The following RIOK2 variants were observed in gnomAD, a reference collection of about 807,000 sequenced individuals.
RIOK2 encodes the protein serine/threonine-protein kinase RIO2.
RIOK2 carries 46 observed loss-of-function variants against 62.4 expected under a neutral mutation model. That is an observed-to-expected ratio of 0.74 (90% CI 0.58 to 0.94). The LOEUF is 0.94. Among genes scored for constraint, RIOK2 ranks in the 40% least tolerant of loss-of-function variants. RIOK2 has a pLI of 0.00. For missense variants in RIOK2, 574 were observed against 658.0 expected (o/e 0.87, Z 1.40); for synonymous variants, 197 against 216.0 (o/e 0.91, Z 0.77).
chr5:97,180,068 A>G (rs1214209155), intron 1 of RIOK2, among the ~76,000 whole-genome samples: 2 of 15,378 alleles, frequency 1.3e-4, no homozygotes, highest in South Asian at 2.8e-3. Context: ...TATTCCTCAG[A>G]GGTAAAAAGC....
intron 5 of RIOK2, among the ~76,000 whole-genome samples, chr5:97,171,802 C>G (rs1314056349): frequency 6.6e-6 from 1 of 152,070 alleles, no homozygotes; most frequent in African/African-American, 2.4e-5. Context: ...CAAACACACC[C>G]ACATCCAGAA....
At chr5:97,170,377 A>C (rs1748968104) in intron 6 of RIOK2, among the ~76,000 whole-genome samples, 1 of 152,214 alleles carries the variant, frequency 6.6e-6, no homozygotes, top group South Asian at 2.1e-4. Context: ...TTTTTTTTCT[A>C]ATAAATAAAG....
At chr5:97,177,689 C>A in intron 3 of RIOK2, 43 bp downstream of exon 3, 1 of 1,217,818 alleles carries the variant, frequency 8.2e-7, no homozygotes, top group African/African-American at 1.5e-5. Context: ...AAAACATAAA[C>A]TAAAGCAAAG....
At chr5:97,169,405 A>C (rs78192218) in intron 6 of RIOK2, among the ~76,000 whole-genome samples, 1,716 of 152,358 alleles carry the variant, frequency 0.011, 11 homozygotes, top group Middle Eastern at 0.034. Flanking sequence ...CAGCCTATAA[A>C]AATAATCTGA....
intron 2 of RIOK2, 80 bp downstream of exon 2, chr5:97,178,975 T>C (rs940222862): frequency 1.3e-6 from 2 of 1,540,790 alleles, no homozygotes; most frequent in African/African-American, 2.7e-5. Context: ...TGGCAACTTC[T>C]ACTTCTTGAC....
At chr5:97,168,629 G>C (rs1748910447) in intron 7 of RIOK2, 131 bp downstream of exon 7, 1 of 512,142 alleles carries the variant, frequency 2.0e-6, no homozygotes, top group Non-Finnish European at 3.5e-6. Context: ...ATGTACTACA[G>C]AGCAATGACA....
chr5:97,169,240 C>T (rs1286373377), intron 6 of RIOK2, among the ~76,000 whole-genome samples: 2 of 152,148 alleles, frequency 1.3e-5, no homozygotes, highest in South Asian at 2.1e-4. Flanking sequence ...TTCTTATCAG[C>T]AACACTCACT....
Position 97,177,770 on chromosome 5 carries a change from T to G in RIOK2, c.284A>C (p.Glu95Ala). 6.2e-7 allele frequency: 1 copy of G among 1,613,174 alleles called. No individual in the cohort carries two copies. The highest frequency in any genetic ancestry group is 1.7e-5 in the Admixed American group (1 of 59,964). Residue 95 changes from glutamate (E) to alanine (A), a missense_variant, in exon 3 of 10, where the codon GAG becomes GCG. Coordinates refer to ENST00000283109, the MANE Select transcript of RIOK2 (RefSeq NM_018343.3). Reference protein sequence around the residue: ...LKTLSSRQVVESVGNQMGVGK... With the variant: ...LKTLSSRQVVASVGNQMGVGK... ...AACACCCATCTGGTTTCCAACAGAC[T>G]CAACTACTTGCCTAGAAGAAAGTGT... is the stretch of plus-strand genomic sequence containing the variant.
At chr5:97,171,444 G>T in intron 5 of RIOK2, 47 bp from the exon 6 acceptor site, 1 of 1,352,234 alleles carries the variant, frequency 7.4e-7, no homozygotes, top group African/African-American at 1.5e-5. Flanking sequence ...GTTCATTTAC[G>T]GTTTTAACGA....
chr5:97,181,491 C>T (rs1464340803), intron 1 of RIOK2, among the ~76,000 whole-genome samples: 1 of 152,054 alleles, frequency 6.6e-6, no homozygotes, highest in South Asian at 2.1e-4. Context: ...GGCAGCTAGT[C>T]AAACAATGAT....
intron 7 of RIOK2, 61 bp from the exon 8 acceptor site, chr5:97,168,052 A>G: frequency 6.9e-7 from 1 of 1,458,140 alleles, no homozygotes; most frequent in South Asian, 1.4e-5. Flanking sequence ...AGAGGAGCAA[A>G]TATCTACTAC....
chr5:97,163,165 G>A lies in RIOK2; in HGVS notation c.1555C>T (p.Arg519Cys), dbSNP rs771275716. 23 of 1,613,376 alleles carry A rather than the reference G, an allele frequency of 1.4e-5. No individual in the cohort carries two copies. The highest frequency in any genetic ancestry group is 1.3e-4 in the Admixed American group (8 of 59,980). Residue 519 changes from arginine (R) to cysteine (C), a missense_variant, in exon 10 of 10, where the codon CGT (arginine) becomes TGT (cysteine). Physicochemically the swap from Arg to Cys is radical, Grantham distance 180. Coordinates refer to ENST00000283109, the MANE Select transcript of RIOK2 (RefSeq NM_018343.3). ...LTKQQKSAVR[R>C]RLQKGEANIF... is the part of the protein sequence containing the mutation. ...TTTGCTTCTCCTTTCTGCAATCGACGTCTGACAGCTGATTTTTGCTGTTTT... is the reference window on the plus strand; with the variant it reads ...TTTGCTTCTCCTTTCTGCAATCGACATCTGACAGCTGATTTTTGCTGTTTT...
chr5:97,168,716 A>C (rs748178270), intron 7 of RIOK2, 44 bp downstream of exon 7: 1 of 1,150,060 alleles, frequency 8.7e-7, no homozygotes. Flanking sequence ...CACAGACCAG[A>C]TATTTAAACT....
chr5:97,177,484 T>C (rs1374139848), intron 3 of RIOK2, among the ~76,000 whole-genome samples, 193 bp from the exon 4 acceptor site: 2 of 152,194 alleles, frequency 1.3e-5, no homozygotes, highest in Non-Finnish European at 2.9e-5. Flanking sequence ...TGCACATAAA[T>C]AATGATATAT....
At position 97,167,722 on chromosome 5, in the gene RIOK2, AAAC is replaced by A; in HGVS notation, c.1139_1141del (p.Ser380_Leu381delinsIle). The A allele has an allele frequency of 6.2e-7, 1 of 1,614,186 alleles. No homozygotes were observed. The highest frequency in any genetic ancestry group is 1.1e-5 in the South Asian group (1 of 91,084). On this transcript the variant is annotated inframe_deletion, in exon 8 of 10. Coordinates refer to ENST00000283109, the MANE Select transcript of RIOK2 (RefSeq NM_018343.3). ...CCGTGCATCAGCACTCTCTTCTGAT[AAAC>A]TGTCTTCCTTTATTTGTTCAGGGTC...
At chr5:97,179,980 ATATATATATAAAAT>A (rs1749299226) in intron 1 of RIOK2, among the ~76,000 whole-genome samples, 1 of 49,764 alleles carries the variant, frequency 2.0e-5, no homozygotes, top group African/African-American at 7.3e-5. Flanking sequence ...TATATATAAT[ATATATATATAAAAT>A]ATATATATAT....
At chr5:97,178,561 G>C (rs963764954) in intron 2 of RIOK2, among the ~76,000 whole-genome samples, 2 of 147,720 alleles carry the variant, frequency 1.4e-5, no homozygotes, top group African/African-American at 5.1e-5. Flanking sequence ...CTCTTCTGCA[G>C]TACCTACGTG....
At chr5:97,164,780 A>T (rs571239864) in intron 9 of RIOK2, among the ~76,000 whole-genome samples, 1 of 152,346 alleles carries the variant, frequency 6.6e-6, no homozygotes, top group African/African-American at 2.4e-5. Flanking sequence ...TAAAATCAGG[A>T]CAATTGAAAA....
In RIOK2 at chr5:97,163,078, T is replaced by G. The variant is rs1055903285; in HGVS notation, c.1642A>C (p.Ser548Arg). The change falls in exon 10 of 10, where the codon AGC (serine) becomes CGC (arginine). Residue 548 changes from serine (S) to arginine (R), a missense_variant. Ser to Arg is a moderately radical substitution (Grantham distance 110). Transcript: ENST00000283109. ...TAAATATATTATTCTCCCCAAAAGC[T>G]GGCTGCTTCCAAACTTGATTTGATA... ...QNIKSSLEAASFWGE is the reference protein window; with the variant it reads ...QNIKSSLEAARFWGE The G allele has an allele frequency of 6.2e-7, 1 of 1,612,220 alleles. No homozygotes were observed. The highest frequency in any genetic ancestry group is 1.7e-5 in the Admixed American group (1 of 59,972).
Sources: allele counts gnomAD v4.1 joint callset (sites outside exome capture counted in the v4.1 genomes callset), GRCh38; gene constraint gnomAD v4.1.1; transcripts MANE v1.5; gene names NCBI Gene and HGNC (gene_info 2026-07-23, HGNC 2026-07-21).